The following TFCP2 variants were observed in gnomAD, a reference collection of about 807,000 sequenced individuals.
TFCP2 encodes the protein alpha-globin transcription factor CP2.
A neutral mutation model predicts 73.4 loss-of-function variants in TFCP2; 33 were observed. The observed-to-expected ratio is 0.45, with a 90% CI of 0.34 to 0.60. TFCP2 has a LOEUF of 0.60. Ranked by LOEUF, TFCP2 falls within the 20% of genes least tolerant of loss-of-function variation. TFCP2 has a pLI of 0.01. For missense variants in TFCP2, 352 were observed against 604.0 expected (o/e 0.58, Z 4.37); for synonymous variants, 193 against 211.6 (o/e 0.91, Z 0.76).
rs985853719 is a variant in TFCP2 at position 51,172,684 on chromosome 12, C to A, written c.-262G>T. The A allele has an allele frequency of 1.3e-5, 5 of 392,242 alleles. 1 individual carries two copies. In the Admixed American group the frequency reaches 2.0e-4, roughly 16 times the overall value. The allele number at this position is 392,242 out of a possible 1,614,324, so 24.3% of individuals were successfully genotyped here. ...GGAACGTGAGGACCCCTTTGCTCAA[C>A]TACTGCAGACTTCCCAGAGGCAGCT... On this transcript the variant is annotated 5_prime_UTR_variant, in exon 1 of 15. Coordinates refer to ENST00000257915, the MANE Select transcript of TFCP2 (RefSeq NM_005653.5).
chr12:51,097,947 C>T (rs1208838996), intron 13 of TFCP2, among the ~76,000 whole-genome samples: 2 of 150,166 alleles, frequency 1.3e-5, no homozygotes, highest in South Asian at 2.1e-4. Flanking sequence ...ACCTAGGAGG[C>T]GGGGTTGCAG....
At chr12:51,150,985 A>G (rs989904568) in intron 1 of TFCP2, among the ~76,000 whole-genome samples, 1 of 152,142 alleles carries the variant, frequency 6.6e-6, no homozygotes, top group African/African-American at 2.4e-5. Context: ...CAGAGGGGGT[A>G]AAGAAAGCAA....
intron 1 of TFCP2, among the ~76,000 whole-genome samples, chr12:51,148,799 C>T (rs1373970167): frequency 1.3e-5 from 2 of 150,818 alleles, no homozygotes; most frequent in Admixed American, 6.6e-5. Context: ...CCGAGGTGGG[C>T]GGATCACCTG....
chr12:51,121,867 T>C (rs903481697), intron 1 of TFCP2, among the ~76,000 whole-genome samples: 5 of 152,206 alleles, frequency 3.3e-5, no homozygotes, highest in African/African-American at 1.2e-4. Flanking sequence ...AATGCTTTTG[T>C]TTTAACCATT....
intron 1 of TFCP2, among the ~76,000 whole-genome samples, chr12:51,160,415 G>A (rs893101265): frequency 1.1e-4 from 16 of 151,888 alleles, no homozygotes; most frequent in Admixed American, 9.8e-4. Flanking sequence ...GATTATAGGC[G>A]TGAGCCACCG....
intron 1 of TFCP2, among the ~76,000 whole-genome samples, chr12:51,135,421 TCA>T (rs1173863052): frequency 8.4e-5 from 4 of 47,542 alleles, no homozygotes; most frequent in African/African-American, 2.3e-4. Flanking sequence ...AGTGAGACTG[TCA>T]CACACACACA....
intron 4 of TFCP2, among the ~76,000 whole-genome samples, chr12:51,114,281 A>C (rs1940465533): frequency 6.6e-6 from 1 of 152,198 alleles, no homozygotes; most frequent in Non-Finnish European, 1.5e-5. Context: ...AGTGGGCAAA[A>C]GACTTGAACA....
rs915173272 is a variant in TFCP2 at position 51,110,957 on chromosome 12, C to T, written c.484G>A (p.Asp162Asn). ...IDIPMSVGII[D>N]PRANPTQLNT... Reference sequence around the variant, plus strand: ...AGTTGAGTTGGATTAGCCCTAGGATCGATTATACCCACAGACATCGGGATA... The same window carrying T: ...AGTTGAGTTGGATTAGCCCTAGGATTGATTATACCCACAGACATCGGGATA... The change falls in exon 5 of 15, where the codon GAT (aspartate) becomes AAT (asparagine). Residue 162 changes from aspartate to asparagine, a missense_variant. This residue lies in a region of TFCP2 where 31 missense variants were observed against 43.7 expected (regional missense o/e 0.71). Coordinates refer to ENST00000257915, the MANE Select transcript of TFCP2 (RefSeq NM_005653.5). 3 of 1,613,598 alleles carry T rather than the reference C, an allele frequency of 1.9e-6. No homozygotes were observed. Among genetic ancestry groups the T allele is most frequent in the Non-Finnish European group, 2.5e-6 (3 of 1,179,718 alleles).
Position 51,117,687 on chromosome 12 carries a change from T to C in TFCP2, c.335A>G (p.Asn112Ser), listed in dbSNP as rs1436319973. 2.5e-6 allele frequency: 4 copies of C among 1,612,872 alleles called. No homozygotes were observed. The highest frequency in any genetic ancestry group is 3.3e-5 in the Admixed American group (2 of 59,986). Residue 112 changes from asparagine to serine, a missense_variant, in exon 3 of 15, where the codon AAT becomes AGT. Around this residue, in one of 6 missense-constraint regions of TFCP2, gnomAD observed 76 missense variants for 163.2 expected, o/e 0.47. Coordinates refer to ENST00000257915, the MANE Select transcript of TFCP2 (RefSeq NM_005653.5). ...NRKLGELPEI[N>S]GKLVKSIFRV... ...TCGTTTTACCTTCACCAATTTGCCA[T>C]TAATTTCTGGAAGTTCTCCAAGTTT...
chr12:51,171,835 A>G (rs1941868972), intron 1 of TFCP2, among the ~76,000 whole-genome samples: 1 of 152,268 alleles, frequency 6.6e-6, no homozygotes, highest in East Asian at 1.9e-4. Context: ...TAGTGGTAAG[A>G]TAGAGCTGTA....
At chr12:51,115,213 G>A (rs893140078) in intron 4 of TFCP2, among the ~76,000 whole-genome samples, 6 of 147,426 alleles carry the variant, frequency 4.1e-5, no homozygotes, top group Non-Finnish European at 5.9e-5. Context: ...TCCGCCTCCC[G>A]GGTTCACACC....
At position 51,119,452 on chromosome 12, in the gene TFCP2, T is replaced by C. The variant is rs193114632; in HGVS notation, c.123-680A>G. 1.4e-3 allele frequency among the ~76,000 whole-genome samples: 217 copies of C among 152,342 alleles called. 1 individual carries two copies. Among genetic ancestry groups the C allele is most frequent in the Non-Finnish European group, 2.3e-3 (154 of 68,028 alleles). ...TTTAGGAAAAGGTTTGGCAGTTTTT[T>C]ATAAAATTAAACATGCAGTCAGGCA... On this transcript the variant is annotated intron_variant, in intron 1 of 14. Transcript: ENST00000257915.
intron 1 of TFCP2, among the ~76,000 whole-genome samples, chr12:51,148,186 G>A (rs1333176170): frequency 6.6e-6 from 1 of 152,158 alleles, no homozygotes; most frequent in Non-Finnish European, 1.5e-5. Context: ...TACTGTTGCT[G>A]GGAATGTAAA....
intron 4 of TFCP2, among the ~76,000 whole-genome samples, chr12:51,116,066 C>T (rs1385479988): frequency 6.6e-6 from 1 of 152,114 alleles, no homozygotes; most frequent in Non-Finnish European, 1.5e-5. Context: ...GTATATTTTA[C>T]CACAACTTAA....
At chr12:51,139,153 G>C (rs1317830552) in intron 1 of TFCP2, among the ~76,000 whole-genome samples, 3 of 152,188 alleles carry the variant, frequency 2.0e-5, no homozygotes, top group Non-Finnish European at 4.4e-5. Context: ...ATGATAACTA[G>C]CTTTTTATCA....
Position 51,095,200 on chromosome 12 carries a change from GT to G in TFCP2, c.*40del. 1 of 1,609,438 alleles carries G rather than the reference GT, an allele frequency of 6.2e-7. No individual in the cohort carries two copies. The highest frequency in any genetic ancestry group is 1.1e-5 in the South Asian group (1 of 91,012). On this transcript the variant is annotated 3_prime_UTR_variant, in exon 15 of 15. Coordinates refer to ENST00000257915, the MANE Select transcript of TFCP2 (RefSeq NM_005653.5). ...CCCTTCAAGAGGGCCGTTTTCAGAG[GT>G]GAAGGAAGGAGCAGCCACTGGGCAC...
intron 3 of TFCP2, 125 bp from the exon 4 acceptor site, chr12:51,116,545 A>T (rs1463699778): frequency 3.7e-5 from 18 of 481,592 alleles, no homozygotes; most frequent in Non-Finnish European, 6.2e-5. Context: ...TTTTCTTAAG[A>T]TCTGTTTCAC....
At chr12:51,171,235 C>T (rs890470762) in intron 1 of TFCP2, among the ~76,000 whole-genome samples, 8 of 152,076 alleles carry the variant, frequency 5.3e-5, no homozygotes, top group Non-Finnish European at 1.0e-4. Context: ...GTCCATCTAC[C>T]CCTAAGATGC....
chr12:51,100,317 C>G lies in TFCP2; in HGVS notation c.1152-538G>C, dbSNP rs1245355572. Among the ~76,000 whole-genome samples the G allele has an allele frequency of 2.0e-5, 3 of 152,130 alleles. No individual in the cohort carries two copies. In the South Asian group the frequency reaches 6.2e-4, roughly 32 times the overall value. The stretch of plus-strand genomic sequence containing the variant: ...TCTCTCATTACCTTCTCCTAACTAG[C>G]CTAAGTCCTTTCTCTGTTCTTCTTA... On this transcript the variant is annotated intron_variant, in intron 11 of 14. Coordinates refer to ENST00000257915, the MANE Select transcript of TFCP2 (RefSeq NM_005653.5).
Sources: gnomAD v4.1 joint callset for allele counts (sites outside exome capture counted in the v4.1 genomes callset) on GRCh38, gnomAD v4.1.1 for gene constraint, gnomAD v4.1.1 regional missense constraint, MANE v1.5 for transcripts, NCBI Gene and HGNC (gene_info 2026-07-23, HGNC 2026-07-21) for gene names.